Variants in ERBB4 observed in about 807,000 individuals in gnomAD.
ERBB4 encodes erb-b2 receptor tyrosine kinase 4.
In ERBB4, 42 loss-of-function variants were observed where a neutral mutation model predicts 158.0. The ratio of observed to expected loss-of-function variants is 0.27; its 90% CI spans 0.21 to 0.34. ERBB4 has a LOEUF of 0.34. Ranked by LOEUF, ERBB4 falls within the 10% of genes least tolerant of loss-of-function variation. The pLI is 1.00. For missense variants in ERBB4, 1,333 were observed against 1,624.1 expected, an observed-to-expected ratio of 0.82 and a Z score of 3.08; for synonymous variants, 583 against 558.7, an observed-to-expected ratio of 1.04 and a Z score of -0.61.
chr2:211,888,966 T>G (rs1575322552), intron 3 of ERBB4, among the ~76,000 whole-genome samples: 1 of 150,428 alleles, frequency 6.6e-6, no homozygotes, highest in East Asian at 1.9e-4. Context: ...GCAGCGAGGC[T>G]GGGGGAGGGG....
At chr2:212,508,488 T>C (rs905248705) in intron 1 of ERBB4, among the ~76,000 whole-genome samples, 1 of 152,120 alleles carries the variant, frequency 6.6e-6, no homozygotes, top group African/African-American at 2.4e-5. Flanking sequence ...TTTTTAAACT[T>C]CTGATTTTTC....
chr2:212,318,639 G>A (rs750959536), intron 1 of ERBB4, among the ~76,000 whole-genome samples: 30 of 151,534 alleles, frequency 2.0e-4, no homozygotes, highest in Non-Finnish European at 3.8e-4. Flanking sequence ...TTTATGTTTT[G>A]TGGGTAAACT....
chr2:211,684,528 T>A (rs1287589592), intron 12 of ERBB4, among the ~76,000 whole-genome samples: 1 of 152,032 alleles, frequency 6.6e-6, no homozygotes, highest in Non-Finnish European at 1.5e-5. Flanking sequence ...ACATCATTAG[T>A]AATTAATGTA....
intron 20 of ERBB4, among the ~76,000 whole-genome samples, chr2:211,505,149 A>G (rs557978990): frequency 6.6e-6 from 1 of 152,106 alleles, no homozygotes; most frequent in Non-Finnish European, 1.5e-5. Flanking sequence ...GTGTATAGTC[A>G]TCAGACTATC....
chr2:211,520,027 T>C (rs1283505290), intron 20 of ERBB4, among the ~76,000 whole-genome samples: 2 of 152,176 alleles, frequency 1.3e-5, no homozygotes, highest in Non-Finnish European at 2.9e-5. Flanking sequence ...ATACTGCTAT[T>C]GCAGGTCACA....
intron 19 of ERBB4, among the ~76,000 whole-genome samples, chr2:211,602,121 AG>A (rs917784921): frequency 3.6e-4 from 55 of 152,120 alleles, no homozygotes; most frequent in Middle Eastern, 3.4e-3. Context: ...TGTTGGGTGT[AG>A]GGGGGTGGTC....
intron 1 of ERBB4, among the ~76,000 whole-genome samples, chr2:212,280,662 C>T (rs1477526020): frequency 6.6e-6 from 1 of 151,552 alleles, no homozygotes; most frequent in African/African-American, 2.4e-5. Flanking sequence ...AGGAGTATTA[C>T]AGTTAGATAA....
chr2:212,463,310 T>C (rs1574967561), intron 1 of ERBB4, among the ~76,000 whole-genome samples: 1 of 152,108 alleles, frequency 6.6e-6, no homozygotes, highest in Non-Finnish European at 1.5e-5. Context: ...ATGCTAATTA[T>C]CCTGGTTTGA....
At chr2:211,949,691 C>T (rs1430045457) in intron 2 of ERBB4, among the ~76,000 whole-genome samples, 1 of 152,070 alleles carries the variant, frequency 6.6e-6, no homozygotes, top group Non-Finnish European at 1.5e-5. Context: ...GCATTATACC[C>T]TTAAAAACCT....
At chr2:211,534,971 C>T (rs2066606193) in intron 20 of ERBB4, among the ~76,000 whole-genome samples, 1 of 152,018 alleles carries the variant, frequency 6.6e-6, no homozygotes, top group Admixed American at 6.6e-5. Context: ...TCTATTGTTA[C>T]CATCACCAGG....
chr2:211,922,833 G>C (rs1435446477), intron 3 of ERBB4, among the ~76,000 whole-genome samples: 2 of 152,060 alleles, frequency 1.3e-5, no homozygotes, highest in Non-Finnish European at 2.9e-5. Flanking sequence ...ATGAAAGTTA[G>C]TAGGAAAGTA....
chr2:211,773,635 TATATATATATATAA>T (rs1399627620), intron 4 of ERBB4, among the ~76,000 whole-genome samples: 22 of 101,076 alleles, frequency 2.2e-4, no homozygotes, highest in South Asian at 1.0e-3. Context: ...TATATATATA[TATATATATATATAA>T]TATATATACA....
At chr2:212,188,026 C>T (rs1042465332) in intron 1 of ERBB4, among the ~76,000 whole-genome samples, 5 of 152,002 alleles carry the variant, frequency 3.3e-5, no homozygotes, top group African/African-American at 7.2e-5. Flanking sequence ...GCAAATAAAA[C>T]GTTCAAATTT....
chr2:211,549,250 T>C (rs953242333), intron 20 of ERBB4, among the ~76,000 whole-genome samples: 4 of 152,082 alleles, frequency 2.6e-5, no homozygotes, highest in Non-Finnish European at 5.9e-5. Flanking sequence ...GGTTTTGTTG[T>C]CTGAGAAATT....
intron 1 of ERBB4, among the ~76,000 whole-genome samples, chr2:212,242,344 T>C (rs1020659121): frequency 6.6e-6 from 1 of 152,094 alleles, no homozygotes; most frequent in Non-Finnish European, 1.5e-5. Context: ...TCACCTAGCA[T>C]AGACATATGA....
At chr2:212,381,252 A>T (rs1427170235) in intron 1 of ERBB4, among the ~76,000 whole-genome samples, 3 of 151,366 alleles carry the variant, frequency 2.0e-5, no homozygotes, top group Admixed American at 6.6e-5. Context: ...AAAAAGTTAG[A>T]TAAAAAGTCA....
intron 18 of ERBB4, among the ~76,000 whole-genome samples, chr2:211,619,744 T>TA (rs1044167060): frequency 1.3e-5 from 2 of 152,026 alleles, no homozygotes; most frequent in African/African-American, 4.8e-5. Flanking sequence ...GAAAAACAAT[T>TA]AAAAAAGCAT....
chr2:212,089,794 G>A (rs1428069431), intron 2 of ERBB4, among the ~76,000 whole-genome samples: 1 of 152,146 alleles, frequency 6.6e-6, no homozygotes. Flanking sequence ...AGCAAAGGGA[G>A]ATGGAAATAA....
chr2:211,509,243 T>C (rs1431732716), intron 20 of ERBB4, among the ~76,000 whole-genome samples: 1 of 151,982 alleles, frequency 6.6e-6, no homozygotes, highest in Non-Finnish European at 1.5e-5. Context: ...TTGGGAGGCT[T>C]AAAACCTAGA....
Sources: allele counts gnomAD v4.1 joint callset (sites outside exome capture counted in the v4.1 genomes callset), GRCh38; gene constraint gnomAD v4.1.1; transcripts MANE v1.5; gene names NCBI Gene and HGNC (gene_info 2026-07-23, HGNC 2026-07-21).